Variants in POLK observed in about 807,000 individuals in gnomAD.
The protein encoded by POLK is DNA polymerase kappa.
POLK carries 76 observed loss-of-function variants against 94.0 expected under a neutral mutation model. The observed-to-expected ratio is 0.81, with a 90% CI of 0.67 to 0.98. POLK has a LOEUF of 0.98. POLK is among the 50% of genes least tolerant of loss of function. The pLI is 0.00. For missense variants in POLK, 954 were observed against 1,010.1 expected, an observed-to-expected ratio of 0.94 and a Z score of 0.75; for synonymous variants, 349 against 325.4, an observed-to-expected ratio of 1.07 and a Z score of -0.78.
At chr5:75,539,995 C>T (rs898683441) in intron 1 of POLK, among the ~76,000 whole-genome samples, 8 of 152,082 alleles carry the variant, frequency 5.3e-5, no homozygotes, top group Admixed American at 2.0e-4. Flanking sequence ...TAAACCCCTG[C>T]CATACACTAT....
At chr5:75,576,838 C>A in exon 6 of POLK, 1 of 1,553,958 alleles carries the variant, frequency 6.4e-7, no homozygotes, top group Non-Finnish European at 8.7e-7. Flanking sequence ...CTTGATGAAG[C>A]CTACTTGAAT....
chr5:75,583,298 G>A (rs868600580), exon 8 of POLK: 5 of 1,584,990 alleles, frequency 3.2e-6, no homozygotes, highest in African/African-American at 1.4e-5. Flanking sequence ...TTAAGGCATT[G>A]CCCCAAATAC....
intron 4 of POLK, among the ~76,000 whole-genome samples, chr5:75,573,304 A>G (rs5744639): frequency 2.6e-5 from 4 of 152,278 alleles, no homozygotes; most frequent in Admixed American, 2.0e-4. Context: ...ATAGATGAGA[A>G]TTGAACAACG....
At chr5:75,512,013 T>C in intron 1 of POLK, 99 bp downstream of exon 1, 9 of 552,958 alleles carry the variant, frequency 1.6e-5, no homozygotes, top group Admixed American at 3.4e-5. Context: ...TCGGCCTCGC[T>C]TCTATCCTTG....
chr5:75,608,611 A>T, the POLK span, among the ~76,000 whole-genome samples: 1 of 152,360 alleles, frequency 6.6e-6, no homozygotes, highest in Non-Finnish European at 1.5e-5. Context: ...ACAACAGCAT[A>T]AGGGAATGGA....
At chr5:75,585,941 C>T (rs891277406) in intron 9 of POLK, among the ~76,000 whole-genome samples, 20 of 152,286 alleles carry the variant, frequency 1.3e-4, no homozygotes, top group Admixed American at 2.0e-4. Context: ...CTCATCTCTT[C>T]CTGCTCTTCA....
intron 3 of POLK, among the ~76,000 whole-genome samples, chr5:75,562,040 T>A (rs1394811208): frequency 1.3e-5 from 2 of 152,212 alleles, no homozygotes; most frequent in Non-Finnish European, 2.9e-5. Flanking sequence ...TCTAATTCTG[T>A]AAAGAAAGTC....
At chr5:75,598,535 G>A (rs983287129) in exon 15 of POLK, 4 of 152,498 alleles carry the variant, frequency 2.6e-5, no homozygotes, top group African/African-American at 4.8e-5. Flanking sequence ...TATTATCTGT[G>A]TTAAAATGGT....
upstream of POLK, chr5:75,511,026 C>G: frequency 7.0e-7 from 1 of 1,436,624 alleles, no homozygotes; most frequent in Middle Eastern, 2.2e-4. Flanking sequence ...TCCGCGCCTC[C>G]CGCCAGCCCC....
chr5:75,546,532 ATT>A (rs1046863378), intron 1 of POLK, among the ~76,000 whole-genome samples: 2 of 152,174 alleles, frequency 1.3e-5, no homozygotes, highest in Admixed American at 6.5e-5. Flanking sequence ...TCATTTAAAA[ATT>A]TTGTTTTGCT....
chr5:75,590,848 C>T (rs1242739370), intron 11 of POLK, among the ~76,000 whole-genome samples: 1 of 152,158 alleles, frequency 6.6e-6, no homozygotes, highest in Non-Finnish European at 1.5e-5. Context: ...TAGACAATGA[C>T]CTTCTAAAAT....
chr5:75,607,617 A>G, the POLK span, among the ~76,000 whole-genome samples: 1 of 152,150 alleles, frequency 6.6e-6, no homozygotes, highest in South Asian at 2.1e-4. Context: ...ACACCTGAAC[A>G]TAAGGGTTGC....
chr5:75,576,454 A>AT lies in POLK; in HGVS notation c.541-319dup, dbSNP rs5744654. Among the ~76,000 whole-genome samples the AT allele has an allele frequency of 3.5e-3, 540 of 152,184 alleles. 2 individuals carry two copies. Among genetic ancestry groups the AT allele is most frequent in the East Asian group, 0.028 (147 of 5,186 alleles). ...TGACGAGCTACCTAAAACCTTAACC[A>AT]TTTTTTTGTATGGGCCTACCAGATA... On this transcript the variant is annotated intron_variant, in intron 5 of 14. Transcript: ENST00000241436.
At chr5:75,516,993 A>G (rs1228241611) in intron 1 of POLK, among the ~76,000 whole-genome samples, 2 of 152,036 alleles carry the variant, frequency 1.3e-5, no homozygotes, top group Non-Finnish European at 2.9e-5. Context: ...ATTCTGTTCC[A>G]TTTGTCCATG....
At chr5:75,560,335 A>G (rs1208969416) in intron 3 of POLK, among the ~76,000 whole-genome samples, 4 of 152,190 alleles carry the variant, frequency 2.6e-5, no homozygotes, top group Non-Finnish European at 5.9e-5. Context: ...ATCCCTAGAT[A>G]GGTGCATTAC....
chr5:75,573,892 C>A, intron 5 of POLK, 23 bp downstream of exon 5: 1 of 1,611,406 alleles, frequency 6.2e-7, no homozygotes, highest in Non-Finnish European at 8.5e-7. Context: ...CTCACCCCTA[C>A]TTTAGGCTTT....
chr5:75,588,318 C>G (rs778952747), intron 10 of POLK, among the ~76,000 whole-genome samples: 4 of 152,056 alleles, frequency 2.6e-5, no homozygotes, highest in Non-Finnish European at 5.9e-5. Context: ...AACTAACTAA[C>G]TTCTCTAATA....
chr5:75,598,351 A>G (rs1335338186), exon 15 of POLK: 1 of 157,182 alleles, frequency 6.4e-6, no homozygotes, highest in Non-Finnish European at 1.4e-5. Flanking sequence ...TCAAAGATTC[A>G]CACATGCCTA....
At chr5:75,581,881 A>C (rs535321818) in intron 7 of POLK, 1 of 190,886 alleles carries the variant, frequency 5.2e-6, no homozygotes, top group East Asian at 1.8e-4. Flanking sequence ...GTGTTTCACC[A>C]TGTTAGCCAG....
Sources: allele counts gnomAD v4.1 joint callset (sites outside exome capture counted in the v4.1 genomes callset), GRCh38; gene constraint gnomAD v4.1.1; transcripts MANE v1.5; gene names NCBI Gene and HGNC (gene_info 2026-07-23, HGNC 2026-07-21).